The following LILRB5 variants were observed in gnomAD, a reference collection of about 807,000 sequenced individuals.
LILRB5 encodes leukocyte immunoglobulin like receptor B5.
LILRB5 carries 61 observed loss-of-function variants against 68.4 expected under a neutral mutation model. The observed-to-expected ratio is 0.89, with a 90% CI of 0.73 to 1.10. The LOEUF is 1.10. LILRB5 is among the 50% of genes least tolerant of loss of function. The pLI is 0.00. For synonymous variants in LILRB5, 356 were observed against 315.8 expected (o/e 1.13, Z -1.35); for missense variants, 771 against 751.6 (o/e 1.03, Z -0.30).
intron 7 of LILRB5, 135 bp downstream of exon 7, chr19:54,254,230 T>C (rs2079047368): frequency 4.2e-6 from 6 of 1,441,310 alleles, no homozygotes; most frequent in Non-Finnish European, 5.6e-6. Context: ...CTGTGGCCCC[T>C]CCTCTGGCTC....
Position 54,250,048 on chromosome 19 carries a change from C to CAAA in LILRB5, c.*735_*737dup, listed in dbSNP as rs1452999794. 1 of 152,496 alleles carries CAAA rather than the reference C, an allele frequency of 6.6e-6. No individual in the cohort carries two copies. The highest frequency in any genetic ancestry group is 1.5e-5 in the Non-Finnish European group (1 of 68,342). The allele number at this position is 152,496 out of a possible 1,614,324, so 9.4% of individuals were successfully genotyped here. On this transcript the variant is annotated 3_prime_UTR_variant, in exon 13 of 13. Transcript: ENST00000449561. Reference sequence around the variant, plus strand: ...CTCCGTCTCAAAAAACAAAACAAAACAAAACAAAAACCCTCACACAAAAAC... The same window carrying CAAA: ...CTCCGTCTCAAAAAACAAAACAAAACAAAAAAACAAAAACCCTCACACAAAAAC...
chr19:54,257,135 T>A, intron 1 of LILRB5, 25 bp downstream of exon 1: 1 of 1,614,076 alleles, frequency 6.2e-7, no homozygotes, highest in Non-Finnish European at 8.5e-7. Context: ...GACGGGGACC[T>A]TCCTTCCCCC....
At position 54,256,679 on chromosome 19, in the gene LILRB5, A is replaced by G; in HGVS notation, c.165T>C (p.Thr55=). The G allele has an allele frequency of 1.2e-6, 2 of 1,614,044 alleles. No homozygotes were observed. Among genetic ancestry groups the G allele is most frequent in the Non-Finnish European group, 1.7e-6 (2 of 1,179,946 alleles). ...VTLWCQGPLE[T]EEYRLDKEGL... ...CCTCCTTATCCAGACGGTACTCCTC[A>G]GTCTCCAGGGGCCCCTGACACCAGA... is the stretch of plus-strand genomic sequence containing the variant. The change falls in exon 3 of 13, where the codon ACT becomes ACC. Residue 55 remains threonine (T), a synonymous_variant. Transcript: ENST00000449561.
chr19:54,254,031 C>T lies in LILRB5; in HGVS notation c.1344G>A (p.Leu448=). 1 of 1,596,754 alleles carries T rather than the reference C, an allele frequency of 6.3e-7. No individual in the cohort carries two copies. ...CCCCTCACTCACCACTCTGGGGATC[C>T]AACCCCGTGGGGGTGAGGGGCTGGT... ...PEDQPLTPTG[L]DPQSGLGRHL... is the part of the protein sequence containing the mutation. The change falls in exon 8 of 13, where the codon TTG becomes TTA. Residue 448 remains leucine (L), a synonymous_variant. Coordinates refer to ENST00000449561, the MANE Select transcript of LILRB5 (RefSeq NM_001081442.3).
rs980610947 is a variant in LILRB5 at position 54,257,162 on chromosome 19, A to T, written c.32T>A (p.Leu11His). The change falls in exon 1 of 13, where the codon CTC becomes CAC. Residue 11 changes from leucine to histidine, a missense_variant and splice_region_variant. Leu to His is a moderately conservative substitution (Grantham distance 99). Transcript: ENST00000449561. MTLTLSVLIC[L>H]GLSVGPRTCV... ...CCTTCCCCCTCTTCAAACCTCACCG[A>T]GGCAAATCAGGACTGAGAGGGTGAG... The T allele has an allele frequency of 3.7e-6, 6 of 1,614,108 alleles. No individual in the cohort carries two copies. In the Admixed American group the frequency reaches 1.0e-4, roughly 27 times the overall value.
intron 9 of LILRB5, 132 bp downstream of exon 9, chr19:54,252,739 C>G: frequency 9.6e-7 from 1 of 1,043,096 alleles, no homozygotes; most frequent in Non-Finnish European, 1.4e-6. Context: ...TCTTCTTTCT[C>G]GATCGATTTT....
At chr19:54,252,809 C>G in intron 9 of LILRB5, 62 bp downstream of exon 9, 1 of 1,459,228 alleles carries the variant, frequency 6.9e-7, no homozygotes. Flanking sequence ...TTTGGTTTCC[C>G]TCTGGCTGGT....
Position 54,250,769 on chromosome 19 carries a change from T to G in LILRB5, c.*17A>C. ...GAGTCTCCTTCTGTTGAGTATGAGATCTGGGTCCCCCGTGGGCTAGTGGAT... is the reference window on the plus strand; with the variant it reads ...GAGTCTCCTTCTGTTGAGTATGAGAGCTGGGTCCCCCGTGGGCTAGTGGAT... On this transcript the variant is annotated 3_prime_UTR_variant, in exon 13 of 13. Coordinates refer to ENST00000449561, the MANE Select transcript of LILRB5 (RefSeq NM_001081442.3). 1 of 1,613,936 alleles carries G rather than the reference T, an allele frequency of 6.2e-7. No individual in the cohort carries two copies. The highest frequency in any genetic ancestry group is 8.5e-7 in the Non-Finnish European group (1 of 1,179,970).
At chr19:54,252,850 G>A in intron 9 of LILRB5, 21 bp downstream of exon 9, 1 of 1,598,104 alleles carries the variant, frequency 6.3e-7, no homozygotes, top group Non-Finnish European at 8.6e-7. Flanking sequence ...CGGCCCACGG[G>A]TTCCCCCATT....
chr19:54,250,163 T>C lies in LILRB5; in HGVS notation c.*623A>G, dbSNP rs2078900172. The C allele has an allele frequency of 6.6e-6, 1 of 152,654 alleles. No homozygotes were observed. The allele number at this position is 152,654 out of a possible 1,614,324, so 9.5% of individuals were successfully genotyped here. ...AAAAGTGAAAAAAATAAAGGCAATA[T>C]GTGTCAGATTTGTGGTGGTGTCTGC... On this transcript the variant is annotated 3_prime_UTR_variant, in exon 13 of 13. Transcript: ENST00000449561.
rs1020557630 is a variant in LILRB5 at position 54,255,196 on chromosome 19, C to T, written c.952+90G>A. On this transcript the variant is annotated intron_variant, in intron 5 of 12. Coordinates refer to ENST00000449561, the MANE Select transcript of LILRB5 (RefSeq NM_001081442.3). ...TCTCTCCCTCCCTTGGGACCACCCC[C>T]CCGCCTCATCCCGGCCATCACTAAT... 2.6e-6 allele frequency: 4 copies of T among 1,539,332 alleles called. No homozygotes were observed. The African/African-American group carries it at 5.4e-5, about 21-fold the overall frequency.
intron 12 of LILRB5, 22 bp downstream of exon 12, chr19:54,252,032 C>G (rs372563388): frequency 2.2e-5 from 36 of 1,612,144 alleles, no homozygotes; most frequent in South Asian, 7.7e-5. Context: ...CTTTGGTGCC[C>G]GGGACAGGGG....
intron 6 of LILRB5, 158 bp from the exon 7 acceptor site, chr19:54,254,573 C>G: frequency 1.6e-6 from 2 of 1,224,356 alleles, no homozygotes; most frequent in Non-Finnish European, 2.3e-6. Context: ...CCTGGGGAGC[C>G]CCCGTTGTCC....
Position 54,249,825 on chromosome 19 carries a change from G to A in LILRB5, c.*961C>T, listed in dbSNP as rs1237901567. The A allele has an allele frequency of 6.6e-6, 1 of 152,238 alleles. No individual in the cohort carries two copies. Among genetic ancestry groups the A allele is most frequent in the Non-Finnish European group, 1.5e-5 (1 of 68,066 alleles). 9.4% of individuals were successfully genotyped at this position (152,238 alleles called of 1,614,324 possible). ...AGGCGGGCGGATCACCTGAGGTCGG[G>A]AGTTTGAGACCAGCCTGACCAACAT... On this transcript the variant is annotated 3_prime_UTR_variant, in exon 13 of 13. Coordinates refer to ENST00000449561, the MANE Select transcript of LILRB5 (RefSeq NM_001081442.3).
At chr19:54,253,427 G>A (rs575350735) in intron 8 of LILRB5, 149 of 209,568 alleles carry the variant, frequency 7.1e-4, no homozygotes, top group African/African-American at 3.2e-3. Context: ...AGCCAGGTCC[G>A]TTTCCCACTC....
In LILRB5 at chr19:54,255,562, G is replaced by T; in HGVS notation, c.676C>A (p.Leu226Ile). Reference sequence around the variant, plus strand: ...ACGACAGAGCCCTGCGGGATCAGGAGGGAGGGCTTCCTAGACACGCCTGGA... The same window carrying T: ...ACGACAGAGCCCTGCGGGATCAGGATGGAGGGCTTCCTAGACACGCCTGGA... Reference protein sequence around the residue: ...LVPGVSRKPSLLIPQGSVVAR... With the variant: ...LVPGVSRKPSILIPQGSVVAR... Residue 226 changes from leucine to isoleucine, a missense_variant, in exon 5 of 13, where the codon CTC becomes ATC. Physicochemically the swap from Leu to Ile is conservative, Grantham distance 5. Coordinates refer to ENST00000449561, the MANE Select transcript of LILRB5 (RefSeq NM_001081442.3). 2 of 1,613,630 alleles carry T rather than the reference G, an allele frequency of 1.2e-6. No individual in the cohort carries two copies. Among genetic ancestry groups the T allele is most frequent in the Non-Finnish European group, 1.7e-6 (2 of 1,179,686 alleles).
Position 54,256,801 on chromosome 19 carries a change from A to T in LILRB5, c.71-28T>A, listed in dbSNP as rs750563272. 4.3e-6 allele frequency: 7 copies of T among 1,611,714 alleles called. No individual in the cohort carries two copies. The South Asian group carries it at 6.6e-5, about 15-fold the overall frequency. The stretch of plus-strand genomic sequence containing the variant: ...AGAATGGAATCAGAGGCTGGATCCC[A>T]AGACATCCCCATCCCTCAGATTCCA... On this transcript the variant is annotated intron_variant, in intron 2 of 12. Coordinates refer to ENST00000449561, the MANE Select transcript of LILRB5 (RefSeq NM_001081442.3).
chr19:54,255,837 G>T, intron 4 of LILRB5: 1 of 649,986 alleles, frequency 1.5e-6, no homozygotes, highest in Non-Finnish European at 2.6e-6. Flanking sequence ...TACACCCATT[G>T]CCTTCCTGAG....
chr19:54,251,473 C>T, intron 12 of LILRB5: 1 of 544,484 alleles, frequency 1.8e-6, no homozygotes, highest in South Asian at 2.0e-5. Flanking sequence ...ATCGTGTGCC[C>T]CACTCTGTCC....
Sources: gnomAD v4.1 joint callset for allele counts on GRCh38, gnomAD v4.1.1 for gene constraint, MANE v1.5 for transcripts, NCBI Gene and HGNC (gene_info 2026-07-23, HGNC 2026-07-21) for gene names.